FSTL5: variants seen among roughly 807,000 people sequenced by gnomAD.
The protein encoded by FSTL5 is follistatin-related protein 5.
A neutral mutation model predicts 89.1 loss-of-function variants in FSTL5; 62 were observed. That is an observed-to-expected ratio of 0.70 (90% CI 0.57 to 0.86). The LOEUF (loss-of-function observed/expected upper bound fraction) is 0.86, where lower values mean the gene tolerates loss of function less well. FSTL5 is among the 40% of genes least tolerant of loss of function. FSTL5 has a pLI of 0.00. For missense variants in FSTL5, 1,057 were observed against 1,001.6 expected (o/e 1.06, Z -0.75); for synonymous variants, 383 against 346.2 (o/e 1.11, Z -1.18).
intron 3 of FSTL5, among the ~76,000 whole-genome samples, chr4:161,992,953 T>TAC (rs70946237): frequency 0.11 from 730 of 6,394 alleles, 16 homozygotes; most frequent in South Asian, 0.31. Context: ...TGTGTATATC[T>TAC]ATATATATAT....
chr4:161,644,096 G>A (rs1736056968), intron 7 of FSTL5, among the ~76,000 whole-genome samples: 3 of 150,944 alleles, frequency 2.0e-5, no homozygotes, highest in Non-Finnish European at 1.5e-5. Context: ...TTTTTGATGA[G>A]GAACTTTAAA....
At chr4:162,143,809 CACACACACACAT>C (rs1732855357) in intron 1 of FSTL5, among the ~76,000 whole-genome samples, 1 of 139,478 alleles carries the variant, frequency 7.2e-6, no homozygotes, top group Non-Finnish European at 1.6e-5. Context: ...CACACACACA[CACACACACACAT>C]ACAAACACAC....
intron 7 of FSTL5, among the ~76,000 whole-genome samples, chr4:161,642,354 A>G (rs1396180986): frequency 6.6e-6 from 1 of 152,202 alleles, no homozygotes; most frequent in African/African-American, 2.4e-5. Context: ...CTATGTAAGT[A>G]TTACTTTAAA....
At chr4:161,676,217 C>A (rs1737294819) in intron 6 of FSTL5, among the ~76,000 whole-genome samples, 1 of 152,028 alleles carries the variant, frequency 6.6e-6, no homozygotes, top group South Asian at 2.1e-4. Context: ...TAATTCCAAT[C>A]TTATGGTATG....
At chr4:161,872,061 G>A (rs1732280033) in intron 4 of FSTL5, among the ~76,000 whole-genome samples, 3 of 149,544 alleles carry the variant, frequency 2.0e-5, no homozygotes, top group African/African-American at 7.4e-5. Flanking sequence ...GTGTGATCTC[G>A]GCTCAGCCTG....
chr4:161,419,787 A>G (rs1042661278), intron 15 of FSTL5, among the ~76,000 whole-genome samples: 56 of 152,300 alleles, frequency 3.7e-4, no homozygotes, highest in African/African-American at 1.2e-3. Flanking sequence ...GGCCCCAGTC[A>G]CTGTTATACC....
intron 7 of FSTL5, among the ~76,000 whole-genome samples, chr4:161,606,432 A>G (rs931921358): frequency 1.3e-5 from 2 of 151,506 alleles, no homozygotes; most frequent in East Asian, 2.0e-4. Context: ...GGGTTGCACC[A>G]TGTTGGCCAG....
intron 3 of FSTL5, among the ~76,000 whole-genome samples, chr4:161,979,093 A>G (rs898303445): frequency 6.6e-6 from 1 of 152,192 alleles, no homozygotes; most frequent in Admixed American, 6.5e-5. Flanking sequence ...TGAGAGAAGT[A>G]TTTATCCCTG....
At chr4:161,983,746 A>G (rs1395965634) in intron 3 of FSTL5, among the ~76,000 whole-genome samples, 8 of 152,198 alleles carry the variant, frequency 5.3e-5, no homozygotes, top group African/African-American at 9.7e-5. Flanking sequence ...CTCTCACCAA[A>G]ATAACCTTAG....
At chr4:161,573,139 G>C (rs997189305) in intron 8 of FSTL5, among the ~76,000 whole-genome samples, 23 of 152,114 alleles carry the variant, frequency 1.5e-4, no homozygotes, top group African/African-American at 5.6e-4. Context: ...GTCAGGCGTG[G>C]TGGCCCACGC....
At chr4:161,429,745 A>G (rs1447708664) in intron 15 of FSTL5, among the ~76,000 whole-genome samples, 1 of 152,202 alleles carries the variant, frequency 6.6e-6, no homozygotes, top group East Asian at 1.9e-4. Context: ...CCTTCCCAAG[A>G]AGGATAGTAC....
At chr4:162,160,224 T>A (rs1291334806) in intron 1 of FSTL5, among the ~76,000 whole-genome samples, 1 of 151,818 alleles carries the variant, frequency 6.6e-6, no homozygotes, top group African/African-American at 2.4e-5. Context: ...ATTGGAACTC[T>A]GAGTTTATCA....
At position 161,445,132 on chromosome 4, in the gene FSTL5, C is replaced by A. The variant is rs560689493; in HGVS notation, c.1841+9872G>T. ...GATTTGTAAATTCAGACTTTAAAAT[C>A]GATATTAAAGTAAGGAAATTATAGA... On this transcript the variant is annotated intron_variant, in intron 15 of 15. Transcript: ENST00000306100. 2.0e-5 allele frequency among the ~76,000 whole-genome samples: 3 copies of A among 151,874 alleles called. No individual in the cohort carries two copies. The South Asian group carries it at 6.2e-4, about 32-fold the overall frequency.
chr4:161,719,049 T>C (rs1186090381), intron 6 of FSTL5, among the ~76,000 whole-genome samples: 7 of 152,208 alleles, frequency 4.6e-5, no homozygotes, highest in Admixed American at 4.6e-4. Context: ...ATAATTAATA[T>C]ACAAACTTTC....
At chr4:162,023,833 T>C (rs1359925145) in intron 3 of FSTL5, among the ~76,000 whole-genome samples, 1 of 152,156 alleles carries the variant, frequency 6.6e-6, no homozygotes, top group Admixed American at 6.6e-5. Flanking sequence ...ACTTTTCCCC[T>C]ACCTTCTGGC....
chr4:161,815,290 A>G (rs370769622), intron 4 of FSTL5, among the ~76,000 whole-genome samples: 1 of 152,086 alleles, frequency 6.6e-6, no homozygotes, highest in African/African-American at 2.4e-5. Context: ...ATTGTTTACA[A>G]TATTATGTGA....
intron 8 of FSTL5, among the ~76,000 whole-genome samples, chr4:161,575,326 G>A (rs1258216874): frequency 6.6e-6 from 1 of 152,128 alleles, no homozygotes; most frequent in East Asian, 1.9e-4. Context: ...TTATTTTGCT[G>A]TACAGAAACT....
chr4:161,566,078 TG>T (rs1454258725), intron 8 of FSTL5, among the ~76,000 whole-genome samples: 49 of 107,678 alleles, frequency 4.6e-4, no homozygotes, highest in African/African-American at 1.5e-3. Context: ...CAACATCTAT[TG>T]TTTTTTTCTT....
chr4:161,822,193 A>AT (rs1212003820), intron 4 of FSTL5, among the ~76,000 whole-genome samples: 1 of 151,956 alleles, frequency 6.6e-6, no homozygotes, highest in Non-Finnish European at 1.5e-5. Context: ...GATGTTGAGC[A>AT]TTTTTTCATG....
Sources: allele counts gnomAD v4.1 joint callset (sites outside exome capture counted in the v4.1 genomes callset), GRCh38; gene constraint gnomAD v4.1.1; transcripts MANE v1.5; gene names NCBI Gene and HGNC (gene_info 2026-07-23, HGNC 2026-07-21).